Variants in SLC12A2 observed in about 807,000 individuals in gnomAD.
SLC12A2 encodes Na-K-2Cl cotransporter 1.
In SLC12A2, 67 loss-of-function variants were observed where a neutral mutation model predicts 136.3. The observed-to-expected ratio is 0.49, with a 90% CI of 0.40 to 0.60. SLC12A2 has a LOEUF of 0.60. SLC12A2 is among the 20% of genes least tolerant of loss of function. SLC12A2 has a pLI of 0.00. For missense variants in SLC12A2, 1,322 were observed against 1,534.7 expected (o/e 0.86, Z 2.32); for synonymous variants, 619 against 562.9 (o/e 1.10, Z -1.41).
intron 9 of SLC12A2, among the ~76,000 whole-genome samples, 156 bp downstream of exon 9, chr5:128,139,064 G>A (rs1484545447): frequency 6.6e-6 from 1 of 151,954 alleles, no homozygotes. Context: ...ACAGTTTTTA[G>A]AAAACTAGTA....
At chr5:128,087,324 C>T (rs1315205129) in intron 1 of SLC12A2, among the ~76,000 whole-genome samples, 5 of 152,166 alleles carry the variant, frequency 3.3e-5, no homozygotes, top group African/African-American at 1.2e-4. Flanking sequence ...ATTAGCAAAC[C>T]AGTTACTGCT....
chr5:128,111,788 G>A (rs1021356331), intron 1 of SLC12A2, among the ~76,000 whole-genome samples: 1 of 144,054 alleles, frequency 6.9e-6, no homozygotes, highest in Non-Finnish European at 1.5e-5. Context: ...AAAAGTGTAC[G>A]CATATATATA....
chr5:128,126,966 A>AATTTTTTTTTT (rs1554105176), intron 4 of SLC12A2, among the ~76,000 whole-genome samples: 1 of 21,156 alleles, frequency 4.7e-5, no homozygotes, highest in East Asian at 8.2e-4. Flanking sequence ...ATATATATAT[A>AATTTTTTTTTT]TTTTTTTTTT....
At chr5:128,140,301 A>T (rs1312243637) in intron 9 of SLC12A2, among the ~76,000 whole-genome samples, 1 of 152,050 alleles carries the variant, frequency 6.6e-6, no homozygotes, top group African/African-American at 2.4e-5. Flanking sequence ...GCCCAGCCTG[A>T]ATTGGCATTT....
intron 18 of SLC12A2, chr5:128,170,776 A>T (rs541509943): frequency 6.6e-6 from 1 of 152,104 alleles, no homozygotes; most frequent in Non-Finnish European, 1.5e-5. Flanking sequence ...CAAGATTTTA[A>T]TGTATTTTCT....
At chr5:128,163,603 C>T (rs989330262) in intron 17 of SLC12A2, among the ~76,000 whole-genome samples, 11 of 151,882 alleles carry the variant, frequency 7.2e-5, no homozygotes, top group African/African-American at 2.7e-4. Context: ...CCATCAATCA[C>T]AGAAATGAAA....
At position 128,126,966 on chromosome 5, in the gene SLC12A2, A is replaced by ATAATTTT; in HGVS notation, c.1049-4100_1049-4099insAATTTTT. On this transcript the variant is annotated intron_variant, in intron 4 of 26. Coordinates refer to ENST00000262461, the MANE Select transcript of SLC12A2 (RefSeq NM_001046.3). ...CATATATATATATATATATATATATATTTTTTTTTTTTTTTTTTTTTGCAT... is the reference window on the plus strand; with the variant it reads ...CATATATATATATATATATATATATATAATTTTTTTTTTTTTTTTTTTTTTTTTGCAT... Among the ~76,000 whole-genome samples the ATAATTTT allele has an allele frequency of 2.1e-3, 45 of 21,162 alleles. 5 individuals carry two copies. Among genetic ancestry groups the ATAATTTT allele is most frequent in the African/African-American group, 9.9e-3 (40 of 4,032 alleles). 13.9% of individuals were successfully genotyped at this position (21,162 alleles called of 152,430 possible).
At chr5:128,098,964 C>T (rs1173892182) in intron 1 of SLC12A2, among the ~76,000 whole-genome samples, 1 of 152,052 alleles carries the variant, frequency 6.6e-6, no homozygotes, top group African/African-American at 2.4e-5. Flanking sequence ...TTTAAGCTAT[C>T]CACAGTTGAG....
At chr5:128,182,668 CAG>C (rs1295828291) in intron 23 of SLC12A2, among the ~76,000 whole-genome samples, 185 bp from the exon 24 acceptor site, 2 of 152,022 alleles carry the variant, frequency 1.3e-5, no homozygotes, top group African/African-American at 4.8e-5. Context: ...AGTGATTACT[CAG>C]AAAGTAAAGT....
intron 4 of SLC12A2, among the ~76,000 whole-genome samples, chr5:128,118,244 A>G (rs540830061): frequency 3.3e-4 from 50 of 152,350 alleles, no homozygotes; most frequent in African/African-American, 1.1e-3. Context: ...AAAATAAGTC[A>G]TTATATGAAA....
intron 1 of SLC12A2, among the ~76,000 whole-genome samples, chr5:128,088,726 T>G (rs1335998035): frequency 2.0e-5 from 3 of 152,240 alleles, no homozygotes; most frequent in African/African-American, 7.2e-5. Flanking sequence ...ATATGATTCC[T>G]GTATTTTTGC....
At chr5:128,093,785 A>C (rs1381353732) in intron 1 of SLC12A2, among the ~76,000 whole-genome samples, 1 of 152,168 alleles carries the variant, frequency 6.6e-6, no homozygotes. Flanking sequence ...ACAAAGCTGC[A>C]GCAATAGCCT....
chr5:128,184,239 G>T, intron 24 of SLC12A2, 127 bp from the exon 25 acceptor site: 1 of 551,184 alleles, frequency 1.8e-6, no homozygotes, highest in Non-Finnish European at 3.1e-6. Context: ...TATTATGGTT[G>T]GGGTATGGAG....
chr5:128,176,843 A>G (rs1242150098), intron 20 of SLC12A2, among the ~76,000 whole-genome samples: 3 of 152,108 alleles, frequency 2.0e-5, no homozygotes, highest in Non-Finnish European at 2.9e-5. Context: ...TTTTAAAAAT[A>G]TGCTGAAATT....
At chr5:128,098,393 C>T (rs1256574942) in intron 1 of SLC12A2, among the ~76,000 whole-genome samples, 1 of 151,666 alleles carries the variant, frequency 6.6e-6, no homozygotes, top group East Asian at 1.9e-4. Flanking sequence ...TTTTGTTTAA[C>T]ATATTTATTG....
At chr5:128,148,992 A>G (rs1762614691) in intron 12 of SLC12A2, 115 bp downstream of exon 12, 2 of 934,358 alleles carry the variant, frequency 2.1e-6, no homozygotes, top group Non-Finnish European at 3.2e-6. Flanking sequence ...TTTGTAATCA[A>G]AGAAAGTTTA....
rs980403493 is a variant in SLC12A2 at position 128,127,731 on chromosome 5, T to C, written c.1049-3336T>C. On this transcript the variant is annotated intron_variant, in intron 4 of 26. Transcript: ENST00000262461. ...ATCATTGTAATCAAGTCATTTAATA[T>C]ATTACCTTCTTAACTTTTTGATGCA... is the stretch of plus-strand genomic sequence containing the variant. Among the ~76,000 whole-genome samples the C allele has an allele frequency of 1.6e-4, 25 of 152,152 alleles. 1 individual carries two copies. The highest frequency in any genetic ancestry group is 1.9e-4 in the Non-Finnish European group (13 of 68,016).
intron 1 of SLC12A2, among the ~76,000 whole-genome samples, chr5:128,104,976 A>T (rs1760881290): frequency 6.6e-6 from 1 of 152,036 alleles, no homozygotes; most frequent in African/African-American, 2.4e-5. Context: ...AAAATAGATA[A>T]TCTAAAATAA....
At chr5:128,160,584 A>G (rs988619417) in intron 16 of SLC12A2, among the ~76,000 whole-genome samples, 6 of 152,224 alleles carry the variant, frequency 3.9e-5, no homozygotes, top group Non-Finnish European at 8.8e-5. Context: ...TGTTTTAGCC[A>G]GAAGAAAACT....
Sources: gnomAD v4.1 joint callset for allele counts (sites outside exome capture counted in the v4.1 genomes callset) on GRCh38, gnomAD v4.1.1 for gene constraint, MANE v1.5 for transcripts, NCBI Gene and HGNC (gene_info 2026-07-23, HGNC 2026-07-21) for gene names.